Variants in SLC35F3 observed in about 807,000 individuals in gnomAD.
The protein encoded by SLC35F3 is putative thiamine transporter SLC35F3.
Under a neutral mutation model 49.9 loss-of-function variants are expected in SLC35F3, and 25 were observed. The observed-to-expected ratio is 0.50, with a 90% CI of 0.37 to 0.70. The LOEUF (loss-of-function observed/expected upper bound fraction) is 0.70. SLC35F3 is among the 30% of genes least tolerant of loss of function. The pLI, the probability that SLC35F3 is intolerant of heterozygous loss-of-function variation, is 0.00. For synonymous variants in SLC35F3, 275 were observed against 265.4 expected (o/e 1.04, Z -0.35); for missense variants, 525 against 639.8 (o/e 0.82, Z 1.94).
At chr1:233,983,605 T>G (rs1230129106) in intron 2 of SLC35F3, among the ~76,000 whole-genome samples, 1 of 152,238 alleles carries the variant, frequency 6.6e-6, no homozygotes, top group Admixed American at 6.5e-5. Flanking sequence ...GTTTCTTAAT[T>G]TGCATGCGAA....
At chr1:234,038,730 A>G (rs1664179783) in intron 2 of SLC35F3, among the ~76,000 whole-genome samples, 1 of 152,238 alleles carries the variant, frequency 6.6e-6, no homozygotes, top group African/African-American at 2.4e-5. Context: ...AGCCAAATTT[A>G]AATTTTAAAA....
chr1:234,072,185 T>C (rs148105673), intron 2 of SLC35F3, among the ~76,000 whole-genome samples: 7 of 152,374 alleles, frequency 4.6e-5, no homozygotes, highest in African/African-American at 1.7e-4. Flanking sequence ...CTGGTTTATT[T>C]TGGATATTTT....
chr1:233,920,685 T>C (rs6661234), intron 2 of SLC35F3, among the ~76,000 whole-genome samples: 152,349 of 152,356 alleles, frequency 1, 76,171 homozygotes, highest in Middle Eastern at 1. Flanking sequence ...TGTGGAATTG[T>C]GTTATGTTAC....
At chr1:234,194,031 A>C (rs956659551) in intron 2 of SLC35F3, among the ~76,000 whole-genome samples, 1 of 152,212 alleles carries the variant, frequency 6.6e-6, no homozygotes, top group African/African-American at 2.4e-5. Flanking sequence ...TATGGAAAAC[A>C]GTGTTTTATT....
intron 3 of SLC35F3, among the ~76,000 whole-genome samples, chr1:234,256,629 G>GTT (rs1264683397): frequency 6.6e-6 from 1 of 152,170 alleles, no homozygotes; most frequent in Non-Finnish European, 1.5e-5. Flanking sequence ...GTGCATGAGG[G>GTT]TTTTTGTATC....
intron 3 of SLC35F3, among the ~76,000 whole-genome samples, chr1:234,268,082 T>A (rs1038259744): frequency 3.2e-4 from 48 of 151,656 alleles, no homozygotes; most frequent in African/African-American, 6.1e-4. Context: ...CAATCTCGGC[T>A]CTTTGGGAGG....
At position 234,053,550 on chromosome 1, in the gene SLC35F3, G is replaced by A. The variant is rs532204370; in HGVS notation, c.283+147792G>A. Reference sequence around the variant, plus strand: ...CTATGTGTGTCTCTGCATGTGAGATGGGTCTCCTGAATATAGCACACTGTT... The same window carrying A: ...CTATGTGTGTCTCTGCATGTGAGATAGGTCTCCTGAATATAGCACACTGTT... On this transcript the variant is annotated intron_variant, in intron 2 of 7. Coordinates refer to ENST00000366618, the MANE Select transcript of SLC35F3 (RefSeq NM_173508.4). Among the ~76,000 whole-genome samples the A allele has an allele frequency of 2.5e-4, 38 of 152,152 alleles. No individual in the cohort carries two copies. In the South Asian group the frequency reaches 7.7e-3, roughly 31 times the overall value.
intron 2 of SLC35F3, among the ~76,000 whole-genome samples, chr1:234,169,312 G>T (rs977045051): frequency 6.6e-6 from 1 of 152,152 alleles, no homozygotes; most frequent in Non-Finnish European, 1.5e-5. Flanking sequence ...AGCTGCCTGG[G>T]CATCCCTTAG....
At chr1:234,079,773 C>G (rs987817177) in intron 2 of SLC35F3, among the ~76,000 whole-genome samples, 1 of 152,112 alleles carries the variant, frequency 6.6e-6, no homozygotes, top group East Asian at 1.9e-4. Context: ...GAAATATTAA[C>G]GAGGATATAG....
chr1:234,170,983 C>T (rs940399193), intron 2 of SLC35F3, among the ~76,000 whole-genome samples: 7 of 152,192 alleles, frequency 4.6e-5, no homozygotes, highest in African/African-American at 1.4e-4. Flanking sequence ...GAAAACTTTC[C>T]ATGCATCCTC....
At chr1:233,937,017 A>T (rs1020963760) in intron 2 of SLC35F3, among the ~76,000 whole-genome samples, 1 of 152,136 alleles carries the variant, frequency 6.6e-6, no homozygotes, top group East Asian at 1.9e-4. Context: ...AGGCTCTGAC[A>T]TTTTGTGATA....
intron 2 of SLC35F3, among the ~76,000 whole-genome samples, chr1:234,161,050 C>T (rs954276545): frequency 6.6e-6 from 1 of 152,210 alleles, no homozygotes; most frequent in Non-Finnish European, 1.5e-5. Context: ...GGCCCAGGCT[C>T]CAGACACTGC....
chr1:233,905,260 T>G, intron 1 of SLC35F3, 130 bp downstream of exon 1: 1 of 1,016,780 alleles, frequency 9.8e-7, no homozygotes, highest in Non-Finnish European at 1.5e-6. Context: ...GTGGAGCTGC[T>G]CGGGAAGTTT....
chr1:233,969,051 G>T (rs1662947466), intron 2 of SLC35F3, among the ~76,000 whole-genome samples: 1 of 104,814 alleles, frequency 9.5e-6, no homozygotes, highest in African/African-American at 4.2e-5. Flanking sequence ...TTAGAATTTT[G>T]ACATATTTTG....
intron 3 of SLC35F3, among the ~76,000 whole-genome samples, chr1:234,252,021 C>T (rs1194468708): frequency 6.6e-6 from 1 of 151,274 alleles, no homozygotes; most frequent in South Asian, 2.1e-4. Context: ...TGACTTGTCT[C>T]ACTGTGGTAC....
At chr1:233,925,291 G>C (rs1662138466) in intron 2 of SLC35F3, among the ~76,000 whole-genome samples, 1 of 152,122 alleles carries the variant, frequency 6.6e-6, no homozygotes. Flanking sequence ...GGTCTCTAAG[G>C]ACTTGCTTTA....
At chr1:233,906,661 T>G (rs113983528) in intron 2 of SLC35F3, among the ~76,000 whole-genome samples, 9 of 152,186 alleles carry the variant, frequency 5.9e-5, no homozygotes, top group African/African-American at 2.2e-4. Flanking sequence ...CTTGTTGATT[T>G]TGAGTTTTTT....
chr1:234,312,861 G>T (rs77471664), intron 4 of SLC35F3, among the ~76,000 whole-genome samples: 2 of 55,758 alleles, frequency 3.6e-5, no homozygotes, highest in Non-Finnish European at 3.1e-5. Context: ...AGGTTTTTTT[G>T]TTTGTTTGTT....
chr1:233,979,148 C>T (rs893983332), intron 2 of SLC35F3, among the ~76,000 whole-genome samples: 3 of 152,144 alleles, frequency 2.0e-5, no homozygotes, highest in East Asian at 1.9e-4. Flanking sequence ...GTCCACAGAA[C>T]GTGGTCTAAG....
Sources: allele counts gnomAD v4.1 joint callset (sites outside exome capture counted in the v4.1 genomes callset), GRCh38; gene constraint gnomAD v4.1.1; transcripts MANE v1.5; gene names NCBI Gene and HGNC (gene_info 2026-07-23, HGNC 2026-07-21).